CAST: variants seen among roughly 807,000 people sequenced by gnomAD.
The protein encoded by CAST is MIR583 host.
A neutral mutation model predicts 119.6 loss-of-function variants in CAST; 76 were observed. That is an observed-to-expected ratio of 0.64 (90% CI 0.53 to 0.77). The LOEUF (loss-of-function observed/expected upper bound fraction) is 0.77. Ranked by LOEUF, CAST falls within the 30% of genes least tolerant of loss-of-function variation. The pLI, the probability that CAST is intolerant of heterozygous loss-of-function variation, is 0.00. For synonymous variants in CAST, 319 were observed against 331.6 expected (o/e 0.96, Z 0.41); for missense variants, 953 against 946.5 (o/e 1.01, Z -0.09).
At chr5:96,324,970 C>T in the CAST span, among the ~76,000 whole-genome samples, 1 of 152,054 alleles carries the variant, frequency 6.6e-6, no homozygotes, top group South Asian at 2.1e-4. Context: ...TTTGGGATGC[C>T]GAAGTGGGTG....
At chr5:96,487,037 C>G in the CAST span, among the ~76,000 whole-genome samples, 3 of 152,230 alleles carry the variant, frequency 2.0e-5, no homozygotes, top group Non-Finnish European at 4.4e-5. Context: ...ACTCCTTCCC[C>G]CCATGGGGCA....
At chr5:96,064,265 T>G in the CAST span, among the ~76,000 whole-genome samples, 2 of 152,208 alleles carry the variant, frequency 1.3e-5, no homozygotes, top group Non-Finnish European at 2.9e-5. Context: ...TTGGTTCTCT[T>G]ACCTCTTCTT....
At chr5:96,400,335 A>AGT in the CAST span, 5 of 670,858 alleles carry the variant, frequency 7.5e-6, no homozygotes, top group Middle Eastern at 7.8e-4. Context: ...TACTGTTCAT[A>AGT]TATCTTTTCA....
intron 1 of CAST, among the ~76,000 whole-genome samples, chr5:96,635,977 G>T (rs774759132): frequency 6.6e-6 from 1 of 152,040 alleles, no homozygotes; most frequent in Non-Finnish European, 1.5e-5. Context: ...TTTCATCTAG[G>T]AATACAGCCA....
the CAST span, among the ~76,000 whole-genome samples, chr5:96,119,239 C>T: frequency 1.3e-5 from 2 of 152,108 alleles, no homozygotes; most frequent in African/African-American, 4.8e-5. Context: ...AGAGAGGTCA[C>T]ACTTAGGTGT....
intron 1 of CAST, among the ~76,000 whole-genome samples, chr5:96,603,504 C>T (rs1238056579): frequency 6.6e-6 from 1 of 152,154 alleles, no homozygotes; most frequent in Non-Finnish European, 1.5e-5. Flanking sequence ...TGTCTTCTAC[C>T]TCCACATCTT....
chr5:96,525,057 T>C (rs934952281), upstream of CAST, among the ~76,000 whole-genome samples: 1 of 152,234 alleles, frequency 6.6e-6, no homozygotes, highest in Non-Finnish European at 1.5e-5. Context: ...ATGGATGTAA[T>C]GCCACACAGT....
the CAST span, among the ~76,000 whole-genome samples, chr5:96,122,686 T>C: frequency 6.6e-6 from 1 of 152,124 alleles, no homozygotes; most frequent in Non-Finnish European, 1.5e-5. Flanking sequence ...ATAAGATAAT[T>C]ATCTAAAAAC....
At chr5:96,479,296 A>G in the CAST span, among the ~76,000 whole-genome samples, 2 of 152,182 alleles carry the variant, frequency 1.3e-5, no homozygotes, top group Admixed American at 1.3e-4. Flanking sequence ...TTAGTGGACA[A>G]TCAACTTTTT....
chr5:96,702,375 ATAAAG>A (rs1442681897), intron 3 of CAST, among the ~76,000 whole-genome samples: 1 of 152,232 alleles, frequency 6.6e-6, no homozygotes, highest in Non-Finnish European at 1.5e-5. Flanking sequence ...ATACTATAAT[ATAAAG>A]TAATCGGGTA....
chr5:96,716,070 A>G (rs1757136480), intron 3 of CAST, among the ~76,000 whole-genome samples: 1 of 152,242 alleles, frequency 6.6e-6, no homozygotes, highest in African/African-American at 2.4e-5. Context: ...ATGGTGTGAC[A>G]GCTTGGCAAA....
intron 31 of CAST, chr5:96,771,926 T>G: frequency 2.8e-6 from 1 of 356,826 alleles, no homozygotes; most frequent in Non-Finnish European, 5.1e-6. Context: ...ATCTTATAAT[T>G]AAAAGCTTTT....
At chr5:96,529,747 T>C (rs2150176933), upstream of CAST, 3 of 423,992 alleles carry the variant, frequency 7.1e-6, no homozygotes, top group Non-Finnish European at 1.4e-5. Flanking sequence ...AGTGAGTCAG[T>C]TCTCACGAGA....
At chr5:96,001,432 A>G in the CAST span, among the ~76,000 whole-genome samples, 1 of 152,224 alleles carries the variant, frequency 6.6e-6, no homozygotes, top group Non-Finnish European at 1.5e-5. Context: ...GAGAATTCAC[A>G]TGTCAGACAT....
the CAST span, chr5:95,970,355 G>T: frequency 6.6e-6 from 1 of 152,234 alleles, no homozygotes; most frequent in Non-Finnish European, 1.5e-5. Flanking sequence ...AGAGATGAAT[G>T]ATCAGAGGAG....
At chr5:96,534,714 G>GGAAGGAGA (rs1554066221) in intron 1 of CAST, among the ~76,000 whole-genome samples, 6 of 13,996 alleles carry the variant, frequency 4.3e-4, no homozygotes, top group African/African-American at 7.3e-4. Flanking sequence ...AAGGAAGGAA[G>GGAAGGAGA]GAGAGAGAGA....
At chr5:96,217,789 T>A in the CAST span, among the ~76,000 whole-genome samples, 1 of 152,126 alleles carries the variant, frequency 6.6e-6, no homozygotes, top group Non-Finnish European at 1.5e-5. Flanking sequence ...ACTTTGGTGT[T>A]GGTAATTAGG....
chr5:96,212,006 G>A, the CAST span, among the ~76,000 whole-genome samples: 2 of 151,888 alleles, frequency 1.3e-5, no homozygotes, highest in South Asian at 2.1e-4. Context: ...GGTAATTTGT[G>A]GATTTTCTTT....
At chr5:96,613,938 GT>G (rs937970309) in intron 1 of CAST, among the ~76,000 whole-genome samples, 1 of 152,116 alleles carries the variant, frequency 6.6e-6, no homozygotes, top group Admixed American at 6.5e-5. Flanking sequence ...GCCTTATACT[GT>G]TTTTTAAATT....
Sources: gnomAD v4.1 joint callset for allele counts (sites outside exome capture counted in the v4.1 genomes callset) on GRCh38, gnomAD v4.1.1 for gene constraint, MANE v1.5 for transcripts, NCBI Gene and HGNC (gene_info 2026-07-23, HGNC 2026-07-21) for gene names.